Variants in RNF123 observed in about 807,000 individuals in gnomAD.
The protein encoded by RNF123 is ring finger protein 123.
RNF123 carries 86 observed loss-of-function variants against 168.5 expected under a neutral mutation model. That is an observed-to-expected ratio of 0.51 (90% confidence interval 0.43 to 0.61). RNF123 has a LOEUF of 0.61. Ranked by LOEUF, RNF123 falls within the 20% of genes least tolerant of loss-of-function variation. The probability of loss-of-function intolerance (pLI) is 0.00; values close to 1 mark genes in which losing one functional copy is unlikely to be tolerated. For missense variants in RNF123, 1,419 were observed against 1,729.7 expected (o/e 0.82, Z 3.19); for synonymous variants, 666 against 689.1 (o/e 0.97, Z 0.52).
chr3:49,718,907 T>G, intron 35 of RNF123: 1 of 1,613,396 alleles, frequency 6.2e-7, no homozygotes, highest in Non-Finnish European at 8.5e-7. Flanking sequence ...AGGTCCAGAG[T>G]AAGCAGGTGG....
intron 1 of RNF123, among the ~76,000 whole-genome samples, chr3:49,690,117 G>T (rs193049564): frequency 3.9e-5 from 6 of 152,312 alleles, no homozygotes; most frequent in Non-Finnish European, 7.3e-5. Flanking sequence ...AGGGTTTGTG[G>T]CGGGAGTAGA....
At chr3:49,712,206 A>G (rs1575535859) in intron 26 of RNF123, among the ~76,000 whole-genome samples, 1 of 144,112 alleles carries the variant, frequency 6.9e-6, no homozygotes, top group Non-Finnish European at 1.5e-5. Context: ...AGCCTGGGTG[A>G]CTCCATCTCA....
At chr3:49,717,735 G>C (rs1489153045) in intron 35 of RNF123, 1 of 615,914 alleles carries the variant, frequency 1.6e-6, no homozygotes, top group Non-Finnish European at 2.8e-6. Flanking sequence ...GGGGCCTTTG[G>C]GTCCTGTGCA....
chr3:49,689,661 C>G (rs2054070122), intron 1 of RNF123, 55 bp downstream of exon 1: 1 of 152,396 alleles, frequency 6.6e-6, no homozygotes, highest in Admixed American at 6.5e-5. Context: ...ATTCCCTTCG[C>G]GGTCCGGGCT....
At chr3:49,712,045 C>T (rs549029714) in intron 26 of RNF123, among the ~76,000 whole-genome samples, 12 of 151,986 alleles carry the variant, frequency 7.9e-5, no homozygotes, top group African/African-American at 2.7e-4. Context: ...GCCAACATGG[C>T]GAAACCCCAT....
intron 3 of RNF123, among the ~76,000 whole-genome samples, chr3:49,695,215 A>G (rs1198185733): frequency 3.3e-5 from 5 of 151,636 alleles, no homozygotes; most frequent in Admixed American, 6.6e-5. Context: ...GAATCCTCCC[A>G]CCTCAGCCTC....
rs2054329879 is a variant in RNF123 at position 49,699,372 on chromosome 3, C to T, written c.765-96C>T. 1.7e-6 allele frequency: 2 copies of T among 1,148,410 alleles called. No homozygotes were observed. The highest frequency in any genetic ancestry group is 2.1e-5 in the Admixed American group (1 of 47,344). 71.1% of individuals were successfully genotyped at this position (1,148,410 alleles called of 1,614,324 possible). A position where few individuals can be genotyped will look rare whatever the true frequency, so the allele number is the denominator to read the frequency against. ...CAAGTTGTGATGCAAACCAGCCCTG[C>T]CCTAGAGCCCAGGCCCCGGGGTGGG... On this transcript the variant is annotated intron_variant, in intron 10 of 38. Coordinates refer to ENST00000327697, the MANE Select transcript of RNF123 (RefSeq NM_022064.5). The surrounding 1 kb of genome is among the most constrained non-coding windows in gnomAD (Gnocchi z 4.8).
Position 49,698,455 on chromosome 3 carries a change from A to G in RNF123, c.499A>G (p.Thr167Ala). The G allele has an allele frequency of 6.2e-7, 1 of 1,613,880 alleles. No individual in the cohort carries two copies. Among genetic ancestry groups the G allele is most frequent in the East Asian group, 2.2e-5 (1 of 44,882 alleles). ...RFNQEEGVGD[T>A]HNSYAYDGNR... ...TCCTCCCTAGGAGGGGGTTGGAGAT[A>G]CACACAACTCCTATGCCTATGATGG... Residue 167 changes from threonine to alanine, a missense_variant, in exon 8 of 39, where the codon ACA becomes GCA. Around this residue, in one of 5 missense-constraint regions of RNF123, gnomAD observed 318 missense variants for 446.6 expected, o/e 0.71. Transcript: ENST00000327697.
At position 49,714,292 on chromosome 3, in the gene RNF123, CCCAGACTCCCTACGTGTCCCCTGGGGTTT is replaced by C; in HGVS notation, c.3010+122_3010+150del. 3 of 887,238 alleles carry C rather than the reference CCCAGACTCCCTACGTGTCCCCTGGGGTTT, an allele frequency of 3.4e-6. No individual in the cohort carries two copies. The Admixed American group carries it at 6.0e-5, about 18-fold the overall frequency. 55.0% of individuals were successfully genotyped at this position (887,238 alleles called of 1,614,324 possible). A position where few individuals can be genotyped will look rare whatever the true frequency, so the allele number is the denominator to read the frequency against. ...CCCCTCTCTGGTTCCCCCATTGGGTCCCAGACTCCCTACGTGTCCCCTGGGGTTTCCACTTTCCCTGCTTCCTTCCAGCC... is the reference window on the plus strand; with the variant it reads ...CCCCTCTCTGGTTCCCCCATTGGGTCCCACTTTCCCTGCTTCCTTCCAGCC... On this transcript the variant is annotated intron_variant, in intron 31 of 38. Coordinates refer to ENST00000327697, the MANE Select transcript of RNF123 (RefSeq NM_022064.5).
Position 49,702,753 on chromosome 3 carries a change from G to C in RNF123, c.1750G>C (p.Glu584Gln). ...CAATCCTCATGCTTCCTTCAGTGAG[G>C]GTGAGTGGCACCGGGGTCCCAGGTC... ...ASNPHASFSE[E>Q]AYIPPQVFYN... The change falls in exon 20 of 39, where the codon GAG becomes CAG. Residue 584 changes from glutamate to glutamine, a missense_variant and splice_region_variant. Glu to Gln is a conservative substitution (Grantham distance 29). Coordinates refer to ENST00000327697, the MANE Select transcript of RNF123 (RefSeq NM_022064.5). 1 of 1,614,132 alleles carries C rather than the reference G, an allele frequency of 6.2e-7. No individual in the cohort carries two copies. The highest frequency in any genetic ancestry group is 8.5e-7 in the Non-Finnish European group (1 of 1,179,976).
chr3:49,713,841 G>A lies in RNF123; in HGVS notation c.2837+16G>A, dbSNP rs752725026. Reference sequence around the variant, plus strand: ...CCGAGGAGCAGTGAGTGGGGCCTGGGGGGCACACACCCTGGCCACAAGCAC... The same window carrying A: ...CCGAGGAGCAGTGAGTGGGGCCTGGAGGGCACACACCCTGGCCACAAGCAC... On this transcript the variant is annotated intron_variant, in intron 29 of 38. Transcript: ENST00000327697. The A allele has an allele frequency of 5.6e-6, 9 of 1,613,204 alleles. No homozygotes were observed. The highest frequency in any genetic ancestry group is 7.6e-6 in the Non-Finnish European group (9 of 1,179,826).
chr3:49,712,846 A>C, intron 27 of RNF123, 190 bp downstream of exon 27: 1 of 721,920 alleles, frequency 1.4e-6, no homozygotes, highest in Non-Finnish European at 2.5e-6. Context: ...CTGCAGCCAC[A>C]GAGCCAACAG....
intron 22 of RNF123, 60 bp from the exon 23 acceptor site, chr3:49,704,924 C>T (rs2054482890): frequency 1.5e-5 from 23 of 1,500,362 alleles, no homozygotes; most frequent in Non-Finnish European, 2.1e-5. Flanking sequence ...AATTCTGCAG[C>T]CCCGTGGGCC....
chr3:49,691,165 G>A lies in RNF123; in HGVS notation c.-1G>A. On this transcript the variant is annotated 5_prime_UTR_variant, in exon 2 of 39. Coordinates refer to ENST00000327697, the MANE Select transcript of RNF123 (RefSeq NM_022064.5). ...CACTGGCTGCCCATGAGAGATGAAG[G>A]ATGGCATCCAAGGGGGCCGGCATGT... 6.2e-7 allele frequency: 1 copy of A among 1,613,680 alleles called. No homozygotes were observed. The highest frequency in any genetic ancestry group is 8.5e-7 in the Non-Finnish European group (1 of 1,179,694).
chr3:49,718,213 C>G (rs752002333), intron 35 of RNF123: 1 of 1,610,586 alleles, frequency 6.2e-7, no homozygotes, highest in Non-Finnish European at 8.5e-7. Context: ...TTGGGGCCAG[C>G]GGCGGCAGCG....
chr3:49,702,786 C>CTGGA, intron 20 of RNF123, 33 bp downstream of exon 20: 1 of 1,613,668 alleles, frequency 6.2e-7, no homozygotes, highest in Non-Finnish European at 8.5e-7. Context: ...GTCAGTGAGG[C>CTGGA]TGGACAGAGC....
intron 3 of RNF123, among the ~76,000 whole-genome samples, chr3:49,695,096 A>C (rs2054241813): frequency 6.6e-6 from 1 of 152,214 alleles, no homozygotes; most frequent in African/African-American, 2.4e-5. Flanking sequence ...GGTCAGGTAC[A>C]AGAGTAGCTG....
At chr3:49,719,328 G>A (rs751403775) in intron 35 of RNF123, 20 of 1,613,156 alleles carry the variant, frequency 1.2e-5, no homozygotes, top group Non-Finnish European at 1.6e-5. Flanking sequence ...GGCCAGTGCA[G>A]CTTAGCAGGT....
intron 31 of RNF123, among the ~76,000 whole-genome samples, chr3:49,714,579 G>A (rs2080204710): frequency 1.3e-5 from 2 of 152,244 alleles, no homozygotes; most frequent in Non-Finnish European, 2.9e-5. Flanking sequence ...GCTATCTGCT[G>A]GTGGCAGACC....
Sources: allele counts gnomAD v4.1 joint callset (sites outside exome capture counted in the v4.1 genomes callset), GRCh38; gene constraint gnomAD v4.1.1; regional missense constraint gnomAD v4.1.1; non-coding constraint Gnocchi (gnomAD v3.1); transcripts MANE v1.5; gene names NCBI Gene and HGNC (gene_info 2026-07-23, HGNC 2026-07-21).